CFAP20DC: variants seen among roughly 807,000 people sequenced by gnomAD.
CFAP20DC encodes the protein protein CFAP20DC.
CFAP20DC carries 84 observed loss-of-function variants against 101.7 expected under a neutral mutation model. The observed-to-expected ratio is 0.83, with a 90% CI of 0.69 to 0.99. The LOEUF is 0.99. CFAP20DC is among the 50% of genes least tolerant of loss of function. The probability of loss-of-function intolerance (pLI) is 0.00; values close to 1 mark genes in which losing one functional copy is unlikely to be tolerated. For synonymous variants in CFAP20DC, 359 were observed against 351.2 expected (o/e 1.02, Z -0.25); for missense variants, 1,007 against 970.3 (o/e 1.04, Z -0.50).
intron 4 of CFAP20DC, among the ~76,000 whole-genome samples, chr3:58,985,636 C>G (rs1332752514): frequency 1.3e-5 from 2 of 152,168 alleles, no homozygotes; most frequent in Non-Finnish European, 2.9e-5. Context: ...ATCTCTCATC[C>G]AAAAATGCCG....
intron 14 of CFAP20DC, among the ~76,000 whole-genome samples, chr3:58,817,093 G>A (rs930277761): frequency 2.0e-5 from 3 of 151,856 alleles, no homozygotes; most frequent in African/African-American, 7.3e-5. Context: ...TCTGTTAGAA[G>A]GAAAACTAAC....
chr3:58,867,570 A>C (rs1203177248), intron 10 of CFAP20DC, among the ~76,000 whole-genome samples: 1 of 152,214 alleles, frequency 6.6e-6, no homozygotes, highest in Admixed American at 6.5e-5. Context: ...AAGCTTATTC[A>C]GTCTTTGAGA....
At chr3:58,972,440 G>A (rs72883313) in intron 4 of CFAP20DC, among the ~76,000 whole-genome samples, 6,516 of 152,156 alleles carry the variant, frequency 0.043, 465 homozygotes, top group African/African-American at 0.15. Context: ...TAGAGGACCT[G>A]AAGAAAAACA....
Position 58,897,991 on chromosome 3 carries a change from C to T in CFAP20DC, c.551-13282G>A, listed in dbSNP as rs1026221662. On this transcript the variant is annotated intron_variant, in intron 6 of 16. Coordinates refer to ENST00000482387, the MANE Select transcript of CFAP20DC (RefSeq NM_001394063.1). The surrounding 1 kb of genome is among the most constrained non-coding windows in gnomAD (Gnocchi z 4.4). ...AATATGTTTTCCAACTTGGTTCCAT[C>T]TCCCGGTCTCTTTCAGGTACCTCAG... Among the ~76,000 whole-genome samples, 4 of 152,148 alleles carry T rather than the reference C, an allele frequency of 2.6e-5. No individual in the cohort carries two copies. The highest frequency in any genetic ancestry group is 5.9e-5 in the Non-Finnish European group (4 of 68,030).
At chr3:58,854,015 T>C (rs2078515889) in intron 12 of CFAP20DC, among the ~76,000 whole-genome samples, 1 of 151,934 alleles carries the variant, frequency 6.6e-6, no homozygotes, top group Admixed American at 6.6e-5. Flanking sequence ...AAATAAAGGG[T>C]ATTCAATCAG....
intron 13 of CFAP20DC, among the ~76,000 whole-genome samples, chr3:58,845,654 C>T (rs545356994): frequency 6.6e-6 from 1 of 152,236 alleles, no homozygotes; most frequent in Admixed American, 6.5e-5. Context: ...TCCTCCCTAA[C>T]TCATTTGATG....
At chr3:58,985,082 G>A (rs77288575) in intron 4 of CFAP20DC, among the ~76,000 whole-genome samples, 1,545 of 152,068 alleles carry the variant, frequency 0.01, 29 homozygotes, top group African/African-American at 0.035. Flanking sequence ...GCCCACAATG[G>A]CCAGCTGATT....
chr3:59,027,079 C>T (rs1467378100), intron 4 of CFAP20DC, among the ~76,000 whole-genome samples: 1 of 152,140 alleles, frequency 6.6e-6, no homozygotes, highest in Non-Finnish European at 1.5e-5. Context: ...GAGTCCACAG[C>T]CACACAACTA....
At chr3:58,778,004 C>T (rs1197327784) in intron 15 of CFAP20DC, among the ~76,000 whole-genome samples, 2 of 152,198 alleles carry the variant, frequency 1.3e-5, no homozygotes, top group African/African-American at 4.8e-5. Flanking sequence ...AATCCCATAT[C>T]CTGCCTCCAG....
At chr3:58,841,472 G>C (rs747438575) in intron 13 of CFAP20DC, among the ~76,000 whole-genome samples, 1 of 152,134 alleles carries the variant, frequency 6.6e-6, no homozygotes, top group Non-Finnish European at 1.5e-5. Context: ...AAATTGCAGA[G>C]ACTTTTATTA....
chr3:58,832,228 C>T (rs940850758), intron 13 of CFAP20DC, among the ~76,000 whole-genome samples: 16 of 152,164 alleles, frequency 1.1e-4, no homozygotes, highest in African/African-American at 3.9e-4. Flanking sequence ...CCTTTCCTGA[C>T]AACCATAAAC....
At chr3:58,754,700 G>A (rs2068807623) in intron 15 of CFAP20DC, among the ~76,000 whole-genome samples, 1 of 152,076 alleles carries the variant, frequency 6.6e-6, no homozygotes, top group Non-Finnish European at 1.5e-5. Context: ...CTAAATTTCT[G>A]TACTTCCTAC....
At chr3:58,873,205 T>C (rs2080398126) in intron 7 of CFAP20DC, among the ~76,000 whole-genome samples, 3 of 149,990 alleles carry the variant, frequency 2.0e-5, no homozygotes. Flanking sequence ...ATAGCCATTC[T>C]GGATGCTGTA....
At chr3:58,841,277 A>T (rs2077084437) in intron 13 of CFAP20DC, among the ~76,000 whole-genome samples, 1 of 152,232 alleles carries the variant, frequency 6.6e-6, no homozygotes, top group African/African-American at 2.4e-5. Context: ...TCTTCAAACA[A>T]TGGGGTATTG....
Position 58,872,431 on chromosome 3 carries a change from T to A in CFAP20DC, c.716-2122A>T, listed in dbSNP as rs2080309100. On this transcript the variant is annotated intron_variant, in intron 7 of 16. Coordinates refer to ENST00000482387, the MANE Select transcript of CFAP20DC (RefSeq NM_001394063.1). ...TGAAAATATACCATACTCAGCAAGA[T>A]CCAGATATTTAGGTCTGAGTGGAAG... Among the ~76,000 whole-genome samples the A allele has an allele frequency of 2.0e-5, 3 of 152,132 alleles. No individual in the cohort carries two copies. In the South Asian group the frequency reaches 6.2e-4, roughly 32 times the overall value.
At chr3:59,034,127 C>T (rs934323905) in intron 4 of CFAP20DC, among the ~76,000 whole-genome samples, 7 of 152,140 alleles carry the variant, frequency 4.6e-5, no homozygotes, top group Admixed American at 4.6e-4. Flanking sequence ...ATAAAATCCT[C>T]TACAGACAAG....
rs1245418889 is a variant in CFAP20DC, at chr3:59,015,856, T to C, written c.278+23701A>G. 6.6e-6 allele frequency among the ~76,000 whole-genome samples: 1 copy of C among 152,054 alleles called. No individual in the cohort carries two copies. The highest frequency in any genetic ancestry group is 2.4e-5 in the African/African-American group (1 of 41,408). On this transcript the variant is annotated intron_variant, in intron 4 of 16. Transcript: ENST00000482387. This position sits in a 1 kb window ranked among gnomAD's most constrained non-coding sequence, Gnocchi z 5.4. ...ACAACCTTTCTGCTGTTAAGTCTGT[T>C]TTACTCTTTAGAAGCCTGAGGTTGG... is the stretch of plus-strand genomic sequence containing the variant.
At chr3:58,944,243 C>T (rs1178193284) in intron 4 of CFAP20DC, among the ~76,000 whole-genome samples, 2 of 151,966 alleles carry the variant, frequency 1.3e-5, no homozygotes, top group Admixed American at 6.6e-5. Context: ...AGATACTCCT[C>T]GAGAAGAGCA....
At chr3:59,021,382 A>G (rs2093799714) in intron 4 of CFAP20DC, among the ~76,000 whole-genome samples, 2 of 152,070 alleles carry the variant, frequency 1.3e-5, no homozygotes, top group African/African-American at 2.4e-5. Context: ...GGGCTCAGGA[A>G]TATCTGTAGA....
Sources: allele counts gnomAD v4.1 joint callset (sites outside exome capture counted in the v4.1 genomes callset), GRCh38; gene constraint gnomAD v4.1.1; non-coding constraint Gnocchi (gnomAD v3.1); transcripts MANE v1.5; gene names NCBI Gene and HGNC (gene_info 2026-07-23, HGNC 2026-07-21).